Variants in ECEL1 observed in about 807,000 individuals in gnomAD.
ECEL1 encodes endothelin converting enzyme like 1.
ECEL1 carries 87 observed loss-of-function variants against 101.8 expected under a neutral mutation model. The ratio of observed to expected loss-of-function variants is 0.85; its 90% CI spans 0.72 to 1.02. The LOEUF (loss-of-function observed/expected upper bound fraction) is 1.02, where lower values mean the gene tolerates loss of function less well. Among genes scored for constraint, ECEL1 ranks in the 50% least tolerant of loss-of-function variants. The pLI is 0.00. For missense variants in ECEL1, 1,032 were observed against 1,079.2 expected, an observed-to-expected ratio of 0.96 and a Z score of 0.61; for synonymous variants, 487 against 468.7, an observed-to-expected ratio of 1.04 and a Z score of -0.50.
Position 232,480,176 on chromosome 2 carries a change from C to A in ECEL1, c.2305G>T (p.Ala769Ser), listed in dbSNP as rs151077605. 89 of 1,613,750 alleles carry A rather than the reference C, an allele frequency of 5.5e-5. No homozygotes were observed. The East Asian group carries it at 1.9e-3, about 34-fold the overall frequency. The change falls in exon 18 of 18, where the codon GCC (alanine) becomes TCC (serine). Residue 769 changes from alanine (A) to serine (S), a missense_variant. Coordinates refer to ENST00000304546, the MANE Select transcript of ECEL1 (RefSeq NM_004826.4). Reference protein sequence around the residue: ...HCPKDSPMNPAHKCSVW With the variant: ...HCPKDSPMNPSHKCSVW Reference sequence around the variant, plus strand: ...GCTCACCACACGGAACACTTGTGGGCAGGGTTCATGGGTGAGTCCTTGGGA... The same window carrying A: ...GCTCACCACACGGAACACTTGTGGGAAGGGTTCATGGGTGAGTCCTTGGGA...
At chr2:232,483,006 C>A in intron 9 of ECEL1, 52 bp from the exon 10 acceptor site, 1 of 1,612,656 alleles carries the variant, frequency 6.2e-7, no homozygotes, top group Non-Finnish European at 8.5e-7. Context: ...GGGCTACCTG[C>A]AGACTGGGCA....
chr2:232,484,866 G>A lies in ECEL1; in HGVS notation c.994C>T (p.Arg332Trp), dbSNP rs1297891115. Residue 332 changes from arginine (R) to tryptophan (W), a missense_variant, in exon 5 of 18, where the codon CGG becomes TGG. Arg to Trp is a moderately radical substitution (Grantham distance 101). Transcript: ENST00000304546. ...TTGTACATGGAGCTGACATCTCGCC[G>A]TAGGTCGTCATGCTCTGACACAGTG... ...NITVSEHDDLRRDVSSMYNKV... is the reference protein window; with the variant it reads ...NITVSEHDDLWRDVSSMYNKV... 17 of 1,613,740 alleles carry A rather than the reference G, an allele frequency of 1.1e-5. No homozygotes were observed. The highest frequency in any genetic ancestry group is 2.2e-5 in the South Asian group (2 of 91,090).
intron 14 of ECEL1, 128 bp from the exon 15 acceptor site, chr2:232,481,284 G>A (rs910866954): frequency 2.2e-6 from 3 of 1,354,556 alleles, no homozygotes; most frequent in Non-Finnish European, 3.0e-6. Context: ...GAGTTTGAGG[G>A]GGGGCTCCAA....
At position 232,481,522 on chromosome 2, in the gene ECEL1, G is replaced by A. The variant is rs766889105; in HGVS notation, c.1973C>T (p.Thr658Ile). The change falls in exon 14 of 18, where the codon ACT becomes ATT. Residue 658 changes from threonine to isoleucine, a missense_variant. Transcript: ENST00000304546. ...GGGTCTCACCCGCTGGTTGTAGACAGTGAAGTTGTCATAGAGACGGACGAT... is the reference window on the plus strand; with the variant it reads ...GGGTCTCACCCGCTGGTTGTAGACAATGAAGTTGTCATAGAGACGGACGAT... The part of the protein sequence containing the change: ...ECIVRLYDNF[T>I]VYNQRVNGKH... The A allele has an allele frequency of 1.9e-6, 3 of 1,612,234 alleles. No homozygotes were observed. Among genetic ancestry groups the A allele is most frequent in the African/African-American group, 1.3e-5 (1 of 74,914 alleles).
chr2:232,483,908 A>C, intron 7 of ECEL1, 93 bp downstream of exon 7: 1 of 1,356,638 alleles, frequency 7.4e-7, no homozygotes, highest in African/African-American at 1.5e-5. Flanking sequence ...CCTGCAGGGG[A>C]CATGTGGGGC....
In ECEL1 at chr2:232,482,549, C is replaced by T. The variant is rs753118029; in HGVS notation, c.1744+1G>A. 2.5e-6 allele frequency: 4 copies of T among 1,613,976 alleles called. No individual in the cohort carries two copies. Among genetic ancestry groups the T allele is most frequent in the Non-Finnish European group, 3.4e-6 (4 of 1,180,008 alleles). On this transcript the variant is annotated splice_donor_variant, in intron 11 of 17. Coordinates refer to ENST00000304546, the MANE Select transcript of ECEL1 (RefSeq NM_004826.4). LOFTEE classifies it high-confidence loss of function. ...CCCGGCGTAGGGACACATCCCCTTA[C>T]CCATCTGGTTCTTGTTGGGTAGATA...
chr2:232,482,633 G>T, intron 10 of ECEL1, 25 bp from the exon 11 acceptor site: 3 of 1,598,366 alleles, frequency 1.9e-6, no homozygotes, highest in South Asian at 1.1e-5. Flanking sequence ...TGGGGTGAAT[G>T]GGGGGAACAC....
In ECEL1 at chr2:232,485,941, A is replaced by G. The variant is rs910459033; in HGVS notation, c.713T>C (p.Val238Ala). Reference protein sequence around the residue: ...LNRLLYKAQGVYSAAALFSLT... With the variant: ...LNRLLYKAQGAYSAAALFSLT... ...CGAGAAGAGCGCGGCGGCGCTGTAC[A>G]CGCCCTGCGCCTTGTACAGCAGCCG... Residue 238 changes from valine (V) to alanine (A), a missense_variant, in exon 2 of 18, where the codon GTG becomes GCG. Physicochemically the swap from Val to Ala is moderately conservative, Grantham distance 64 (BLOSUM62 0). Coordinates refer to ENST00000304546, the MANE Select transcript of ECEL1 (RefSeq NM_004826.4). 6.3e-7 allele frequency: 1 copy of G among 1,583,580 alleles called. No homozygotes were observed. Among genetic ancestry groups the G allele is most frequent in the African/African-American group, 1.3e-5 (1 of 74,330 alleles).
intron 1 of ECEL1, among the ~76,000 whole-genome samples, chr2:232,486,975 T>C (rs1690745870): frequency 6.6e-6 from 1 of 151,802 alleles, no homozygotes. Flanking sequence ...GGCCGCAGGG[T>C]TGGGAGGGCT....
At chr2:232,481,676 C>CA in intron 13 of ECEL1, 46 bp from the exon 14 acceptor site, 1 of 1,567,998 alleles carries the variant, frequency 6.4e-7, no homozygotes, top group Non-Finnish European at 8.7e-7. Context: ...CCTGAGCCCC[C>CA]TCCCCTCCCC....
chr2:232,485,893 C>T lies in ECEL1; in HGVS notation c.761G>A (p.Arg254Lys), dbSNP rs1454063942. ...GCGGATGACGTAGCGCGAGGAGTTC[C>T]TGTCGTCCAGGCTGACCGTGAGCGA... ...LFSLTVSLDD[R>K]NSSRYVIRID... is the part of the protein sequence containing the mutation. The change falls in exon 2 of 18, where the codon AGG becomes AAG. Residue 254 changes from arginine (R) to lysine (K), a missense_variant. Transcript: ENST00000304546. 5 of 1,564,080 alleles carry T rather than the reference C, an allele frequency of 3.2e-6. No individual in the cohort carries two copies. In the Admixed American group the frequency reaches 7.5e-5, roughly 23 times the overall value.
intron 9 of ECEL1, 42 bp downstream of exon 9, chr2:232,483,063 G>A: frequency 6.2e-7 from 1 of 1,612,196 alleles, no homozygotes; most frequent in Non-Finnish European, 8.5e-7. Flanking sequence ...GCCGTTAGTA[G>A]AGGGGCTGTG....
At position 232,484,666 on chromosome 2, in the gene ECEL1, A is replaced by C. The variant is rs1219401344; in HGVS notation, c.1060-70T>G. 37 of 1,605,806 alleles carry C rather than the reference A, an allele frequency of 2.3e-5. No individual in the cohort carries two copies. The Admixed American group carries it at 6.2e-4, about 27-fold the overall frequency. ...GCCACAGAAGACAGGGAGGGGGCAG[A>C]GAGAGGCAGCGAGGGGACATGAGAG... On this transcript the variant is annotated intron_variant, in intron 5 of 17. Coordinates refer to ENST00000304546, the MANE Select transcript of ECEL1 (RefSeq NM_004826.4).
chr2:232,487,832 T>C lies in ECEL1; in HGVS notation c.-215A>G, dbSNP rs919837556. The C allele has an allele frequency of 2.7e-5, 4 of 148,236 alleles. No homozygotes were observed. The highest frequency in any genetic ancestry group is 9.8e-5 in the African/African-American group (4 of 40,864). 9.2% of individuals were successfully genotyped at this position (148,236 alleles called of 1,614,324 possible). A position where few individuals can be genotyped will look rare whatever the true frequency, so the allele number is the denominator to read the frequency against. ...GTGTCTCCCAGCGCCCGCCGCCTCC[T>C]CTGCCGCCGCGCCGAGCCCGCCGCG... On this transcript the variant is annotated 5_prime_UTR_variant, in exon 1 of 18. Transcript: ENST00000304546.
rs1347391446 is a variant in ECEL1, at chr2:232,485,196, C to T, written c.855+3G>A. 6.2e-7 allele frequency: 1 copy of T among 1,613,646 alleles called. No individual in the cohort carries two copies. The highest frequency in any genetic ancestry group is 1.3e-5 in the African/African-American group (1 of 75,048). ...CCTGCCTCCCCATCCCATGCCCCAG[C>T]ACCTTCTCACTGTCCTCATCCTGAG... On this transcript the variant is annotated splice_donor_region_variant and intron_variant, in intron 3 of 17. Coordinates refer to ENST00000304546, the MANE Select transcript of ECEL1 (RefSeq NM_004826.4).
At chr2:232,481,297 C>T (rs575143570) in intron 14 of ECEL1, 141 bp from the exon 15 acceptor site, 1 of 1,334,810 alleles carries the variant, frequency 7.5e-7, no homozygotes, top group East Asian at 2.5e-5. Flanking sequence ...GGCTCCAACC[C>T]TACTCTTTCC....
Position 232,480,477 on chromosome 2 carries a change from T to G in ECEL1, c.2152-2A>C. On this transcript the variant is annotated splice_acceptor_variant, in intron 16 of 17. Coordinates refer to ENST00000304546, the MANE Select transcript of ECEL1 (RefSeq NM_004826.4). LOFTEE classifies it high-confidence loss of function. Reference sequence around the variant, plus strand: ...CGACCGCCGCTTGATGCACCAGTTCTGGGTCCAGGAGCGGGGTGGAGGGGA... The same window carrying G: ...CGACCGCCGCTTGATGCACCAGTTCGGGGTCCAGGAGCGGGGTGGAGGGGA... 6.2e-7 allele frequency: 1 copy of G among 1,613,850 alleles called. No homozygotes were observed. Among genetic ancestry groups the G allele is most frequent in the Non-Finnish European group, 8.5e-7 (1 of 1,179,916 alleles).
rs752100039 is a variant in ECEL1 at position 232,486,182 on chromosome 2, C to G, written c.472G>C (p.Glu158Gln). The G allele has an allele frequency of 6.3e-7, 1 of 1,592,730 alleles. No homozygotes were observed. The highest frequency in any genetic ancestry group is 8.5e-7 in the Non-Finnish European group (1 of 1,174,988). The change falls in exon 2 of 18, where the codon GAG (glutamate) becomes CAG (glutamine). Residue 158 changes from glutamate (E) to glutamine (Q), a missense_variant. Coordinates refer to ENST00000304546, the MANE Select transcript of ECEL1 (RefSeq NM_004826.4). Reference sequence around the variant, plus strand: ...GCCAGCAGGCGCCGTAGGCGCTCCTCGTTTTGCTCGCCGATGGCCGCGATG... The same window carrying G: ...GCCAGCAGGCGCCGTAGGCGCTCCTGGTTTTGCTCGCCGATGGCCGCGATG... ...GTIAAIGEQNEERLRRLLARP... is the reference protein window; with the variant it reads ...GTIAAIGEQNQERLRRLLARP...
chr2:232,480,276 A>G, intron 17 of ECEL1, 24 bp from the exon 18 acceptor site: 1 of 1,612,774 alleles, frequency 6.2e-7, no homozygotes, highest in South Asian at 1.1e-5. Context: ...AGACCCACAC[A>G]GTGTTGGGCC....
Sources: gnomAD v4.1 joint callset for allele counts (sites outside exome capture counted in the v4.1 genomes callset) on GRCh38, gnomAD v4.1.1 for gene constraint, MANE v1.5 for transcripts, NCBI Gene and HGNC (gene_info 2026-07-23, HGNC 2026-07-21) for gene names.